The following SAMD3 variants were observed in gnomAD, a reference collection of about 807,000 sequenced individuals.
The protein encoded by SAMD3 is sterile alpha motif domain containing 3, also known as sterile alpha motif domain-containing protein 3.
A neutral mutation model predicts 58.5 loss-of-function variants in SAMD3; 63 were observed. The ratio of observed to expected loss-of-function variants is 1.08; its 90% CI spans 0.88 to 1.33. SAMD3 has a LOEUF of 1.33. Ranked by LOEUF, SAMD3 falls within the 40% of genes most tolerant of loss-of-function variation. The pLI, the probability that SAMD3 is intolerant of heterozygous loss-of-function variation, is 0.00. For missense variants in SAMD3, 604 were observed against 608.4 expected, an observed-to-expected ratio of 0.99 and a Z score of 0.08; for synonymous variants, 220 against 210.3, an observed-to-expected ratio of 1.05 and a Z score of -0.40.
rs771515559 is a variant in SAMD3 at position 130,144,632 on chromosome 6, A to G, written c.1451T>C (p.Leu484Pro). The change falls in exon 12 of 12, where the codon CTG becomes CCG. Residue 484 changes from leucine (L) to proline (P), a missense_variant. Coordinates refer to ENST00000439090, the MANE Select transcript of SAMD3 (RefSeq NM_001017373.4). ...HVFRIECPRR[L>P]SQTFNFLETL... The stretch of plus-strand genomic sequence containing the variant: ...TTCTAGGAAGTTGAAAGTTTGGGAC[A>G]GTCTTCTTGGACACTCAATCCTAAA... The G allele has an allele frequency of 1.2e-6, 2 of 1,614,168 alleles. No individual in the cohort carries two copies. Among genetic ancestry groups the G allele is most frequent in the South Asian group, 2.2e-5 (2 of 91,082 alleles).
chr6:130,189,692 G>A (rs1793353920), intron 5 of SAMD3, among the ~76,000 whole-genome samples: 1 of 152,198 alleles, frequency 6.6e-6, no homozygotes, highest in Non-Finnish European at 1.5e-5. Flanking sequence ...AATGTGGACT[G>A]CTTCAGTAGT....
intron 2 of SAMD3, among the ~76,000 whole-genome samples, chr6:130,260,940 T>C (rs964437404): frequency 2.0e-5 from 3 of 152,194 alleles, no homozygotes; most frequent in East Asian, 1.9e-4. Flanking sequence ...TGACCCACGG[T>C]GTACCTTTAT....
intron 1 of SAMD3, among the ~76,000 whole-genome samples, chr6:130,361,427 C>G (rs1229720554): frequency 6.6e-6 from 1 of 152,126 alleles, no homozygotes; most frequent in Admixed American, 6.5e-5. Flanking sequence ...TTATATTTTA[C>G]CAAAATTGTG....
intron 5 of SAMD3, among the ~76,000 whole-genome samples, chr6:130,194,805 G>A (rs1426851186): frequency 6.6e-6 from 1 of 152,198 alleles, no homozygotes; most frequent in Non-Finnish European, 1.5e-5. Context: ...TCTCGGCTTA[G>A]CAGCTGAAGA....
chr6:130,241,220 T>C (rs1773346587), intron 2 of SAMD3, among the ~76,000 whole-genome samples: 1 of 148,914 alleles, frequency 6.7e-6, no homozygotes, highest in Non-Finnish European at 1.5e-5. Context: ...TTTTTTTTTT[T>C]TTTTTTTGAG....
At chr6:130,301,044 C>T (rs925439865) in intron 2 of SAMD3, among the ~76,000 whole-genome samples, 97 of 152,092 alleles carry the variant, frequency 6.4e-4, no homozygotes, top group African/African-American at 2.2e-3. Context: ...TGTTCAACTC[C>T]CACCTATGAG....
intron 1 of SAMD3, among the ~76,000 whole-genome samples, chr6:130,327,797 G>A (rs1776802782): frequency 6.6e-6 from 1 of 152,118 alleles, no homozygotes; most frequent in African/African-American, 2.4e-5. Flanking sequence ...ATACTCAGAA[G>A]AATTTATAAG....
At chr6:130,243,830 CCACA>C in intron 2 of SAMD3, among the ~76,000 whole-genome samples, 1 of 152,286 alleles carries the variant, frequency 6.6e-6, no homozygotes, top group East Asian at 1.9e-4. Flanking sequence ...TATGCACACA[CCACA>C]AACACATTAT....
intron 8 of SAMD3, among the ~76,000 whole-genome samples, chr6:130,169,576 TA>T (rs1315751465): frequency 6.6e-6 from 1 of 152,188 alleles, no homozygotes. Flanking sequence ...CATTACCATT[TA>T]ACTGCTAACC....
At chr6:130,365,285 C>A (rs1778104732) in exon 1 of SAMD3, 2 of 985,308 alleles carry the variant, frequency 2.0e-6, no homozygotes, top group Non-Finnish European at 2.4e-6. Flanking sequence ...ATCCGCACTG[C>A]TCATCGAAGA....
At chr6:130,250,514 C>T (rs1773702742) in intron 2 of SAMD3, among the ~76,000 whole-genome samples, 1 of 152,130 alleles carries the variant, frequency 6.6e-6, no homozygotes, top group Non-Finnish European at 1.5e-5. Flanking sequence ...GTGCAACTAT[C>T]ACCTCAATTT....
At chr6:130,343,781 A>G (rs1369030600) in intron 1 of SAMD3, among the ~76,000 whole-genome samples, 2 of 152,034 alleles carry the variant, frequency 1.3e-5, no homozygotes, top group Non-Finnish European at 2.9e-5. Context: ...CCTAGCCAAC[A>G]TGGCGAAACC....
chr6:130,257,389 T>G (rs555217337), intron 2 of SAMD3, among the ~76,000 whole-genome samples: 5 of 152,268 alleles, frequency 3.3e-5, no homozygotes, highest in South Asian at 4.1e-4. Flanking sequence ...GTCTCATGAC[T>G]GCATTGACCT....
chr6:130,291,279 A>T (rs1775352656), intron 2 of SAMD3, among the ~76,000 whole-genome samples: 1 of 152,032 alleles, frequency 6.6e-6, no homozygotes, highest in Admixed American at 6.6e-5. Context: ...TTGTTTTTGT[A>T]TTTTTAGTAG....
At chr6:130,194,586 C>A (rs192901357) in intron 5 of SAMD3, among the ~76,000 whole-genome samples, 6 of 152,320 alleles carry the variant, frequency 3.9e-5, no homozygotes, top group Admixed American at 2.6e-4. Flanking sequence ...AGGCATTTCT[C>A]CAGAACCTCC....
chr6:130,169,057 T>C (rs1265210457), intron 8 of SAMD3, among the ~76,000 whole-genome samples: 2 of 152,134 alleles, frequency 1.3e-5, no homozygotes, highest in Non-Finnish European at 2.9e-5. Context: ...CAAGTAATCC[T>C]CCTGTCTCAG....
At chr6:130,287,094 G>A (rs755215121) in intron 2 of SAMD3, among the ~76,000 whole-genome samples, 18 of 152,088 alleles carry the variant, frequency 1.2e-4, no homozygotes, top group Non-Finnish European at 2.1e-4. Flanking sequence ...CTTACCTATC[G>A]TTTTGCTTGG....
At chr6:130,304,429 C>G (rs893474543) in intron 2 of SAMD3, among the ~76,000 whole-genome samples, 47 of 152,290 alleles carry the variant, frequency 3.1e-4, no homozygotes, top group African/African-American at 1.1e-3. Context: ...CTCGGCCTCC[C>G]AAAGTGCTGG....
intron 2 of SAMD3, among the ~76,000 whole-genome samples, chr6:130,243,838 A>C (rs999691837): frequency 6.6e-6 from 1 of 152,154 alleles, no homozygotes; most frequent in Non-Finnish European, 1.5e-5. Context: ...CACCACAAAC[A>C]CATTATGTAA....
Sources: allele counts gnomAD v4.1 joint callset (sites outside exome capture counted in the v4.1 genomes callset), GRCh38; gene constraint gnomAD v4.1.1; transcripts MANE v1.5; gene names NCBI Gene and HGNC (gene_info 2026-07-23, HGNC 2026-07-21).